MASP1: variants seen among roughly 807,000 people sequenced by gnomAD.
The protein encoded by MASP1 is mannan-binding lectin serine protease 1.
Under a neutral mutation model 77.1 loss-of-function variants are expected in MASP1, and 59 were observed. The ratio of observed to expected loss-of-function variants is 0.77; its 90% CI spans 0.62 to 0.95. MASP1 has a LOEUF of 0.95. Among genes scored for constraint, MASP1 ranks in the 40% least tolerant of loss-of-function variants. The pLI is 0.00. For missense variants in MASP1, 885 were observed against 912.9 expected (o/e 0.97, Z 0.39); for synonymous variants, 362 against 354.5 (o/e 1.02, Z -0.24).
At chr3:187,270,548 A>G (rs1247935382) in intron 2 of MASP1, among the ~76,000 whole-genome samples, 2 of 152,166 alleles carry the variant, frequency 1.3e-5, no homozygotes, top group African/African-American at 2.4e-5. Context: ...CCACTTGCCC[A>G]TGCTATACTC....
At chr3:187,243,971 C>T in intron 8 of MASP1, 2 of 323,460 alleles carry the variant, frequency 6.2e-6, no homozygotes, top group Admixed American at 4.1e-5. Flanking sequence ...GTGCAATCCT[C>T]TCTGCCTCTT....
At chr3:187,225,995 T>C (rs1370599153) in intron 12 of MASP1, among the ~76,000 whole-genome samples, 1 of 152,238 alleles carries the variant, frequency 6.6e-6, no homozygotes, top group African/African-American at 2.4e-5. Context: ...GTCTTAATCA[T>C]ACTGTGTCCT....
chr3:187,261,609 C>T (rs1340427016), intron 3 of MASP1, among the ~76,000 whole-genome samples: 1 of 152,228 alleles, frequency 6.6e-6, no homozygotes, highest in East Asian at 1.9e-4. Flanking sequence ...CCAGAACTCT[C>T]ATACATTGGT....
In MASP1 at chr3:187,235,556, G is replaced by A. The variant is rs747619569; in HGVS notation, c.*128C>T. 1.4e-5 allele frequency: 21 copies of A among 1,550,916 alleles called. No individual in the cohort carries two copies. Among genetic ancestry groups the A allele is most frequent in the East Asian group, 4.8e-5 (2 of 41,690 alleles). ...CTCTCAGGGTCCTGGGGGCTGTCTC[G>A]GTAGGAGAAGCCACCGCTAGGTCAG... On this transcript the variant is annotated 3_prime_UTR_variant, in exon 11 of 11. Coordinates refer to ENST00000296280, the MANE Select transcript of MASP1 (RefSeq NM_139125.4).
chr3:187,217,523 A>G (rs921674820), exon 16 of MASP1: 6 of 152,256 alleles, frequency 3.9e-5, no homozygotes, highest in African/African-American at 1.2e-4. Context: ...TTAAATTAAT[A>G]TTCACAATCA....
At chr3:187,262,220 T>C (rs754179882) in intron 3 of MASP1, among the ~76,000 whole-genome samples, 12 of 152,190 alleles carry the variant, frequency 7.9e-5, no homozygotes, top group Non-Finnish European at 1.3e-4. Context: ...TATATTCCAT[T>C]TTATGTCAAT....
At position 187,234,134 on chromosome 3, in the gene MASP1, C is replaced by T. The variant is rs1712934958; in HGVS notation, c.*1550G>A. ...CACTTGAGACCCCTGATGGGAGCAA[C>T]AATGCAGAGGCCCTTTACAGAATGG... On this transcript the variant is annotated 3_prime_UTR_variant, in exon 11 of 11. Transcript: ENST00000296280. 1 of 1,286,806 alleles carries T rather than the reference C, an allele frequency of 7.8e-7. No homozygotes were observed. Among genetic ancestry groups the T allele is most frequent in the Non-Finnish European group, 1.0e-6 (1 of 988,342 alleles). The allele number at this position is 1,286,806 out of a possible 1,614,324, so 79.7% of individuals were successfully genotyped here. A position where few individuals can be genotyped will look rare whatever the true frequency, so the allele number is the denominator to read the frequency against.
chr3:187,256,721 C>T lies in MASP1; in HGVS notation c.687G>A (p.Glu229=). ...EEGFMVNLQF[E]DIFDIEDHPE... is the part of the protein sequence containing the mutation. ...GATGGTCCTCAATGTCAAATATGTC[C>T]TCAAACTGCAGGTTGACCATGAAAC... The change falls in exon 5 of 11, where the codon GAG becomes GAA. Residue 229 remains glutamate, a synonymous_variant. Coordinates refer to ENST00000296280, the MANE Select transcript of MASP1 (RefSeq NM_139125.4). The T allele has an allele frequency of 6.2e-7, 1 of 1,613,978 alleles. No homozygotes were observed. Among genetic ancestry groups the T allele is most frequent in the Non-Finnish European group, 8.5e-7 (1 of 1,180,006 alleles).
chr3:187,265,007 T>A (rs750394747), intron 2 of MASP1, among the ~76,000 whole-genome samples: 1 of 152,100 alleles, frequency 6.6e-6, no homozygotes, highest in Non-Finnish European at 1.5e-5. Flanking sequence ...CTCTCAGTTA[T>A]CCACTTGTAA....
At chr3:187,258,776 G>C (rs542701288) in intron 4 of MASP1, among the ~76,000 whole-genome samples, 1 of 152,190 alleles carries the variant, frequency 6.6e-6, no homozygotes, top group Non-Finnish European at 1.5e-5. Flanking sequence ...CAAATACCAA[G>C]CTGTAAGTAA....
At chr3:187,218,645 C>A (rs1334114401) in exon 16 of MASP1, 1 of 151,696 alleles carries the variant, frequency 6.6e-6, no homozygotes, top group Non-Finnish European at 1.5e-5. Flanking sequence ...TTTCAAGAGA[C>A]CTGGAATTAC....
chr3:187,286,459 G>A (rs546687306), intron 1 of MASP1, among the ~76,000 whole-genome samples: 7 of 152,164 alleles, frequency 4.6e-5, no homozygotes, highest in Non-Finnish European at 1.0e-4. Context: ...AGGCTTAAAT[G>A]CATTGATGGA....
chr3:187,239,816 C>T (rs1165690558), intron 10 of MASP1, among the ~76,000 whole-genome samples: 2 of 152,156 alleles, frequency 1.3e-5, no homozygotes, highest in Non-Finnish European at 2.9e-5. Context: ...TATGTGAACC[C>T]TTCCTAGTCA....
At chr3:187,225,254 C>A in intron 13 of MASP1, 1 of 1,559,312 alleles carries the variant, frequency 6.4e-7, no homozygotes, top group South Asian at 1.1e-5. Context: ...ACCAGAGCTT[C>A]ACCAACGTGA....
chr3:187,235,857 C>A lies in MASP1; in HGVS notation c.2014G>T (p.Asp672Tyr), dbSNP rs1272882054. 1 of 1,614,188 alleles carries A rather than the reference C, an allele frequency of 6.2e-7. No homozygotes were observed. Among genetic ancestry groups the A allele is most frequent in the South Asian group, 1.1e-5 (1 of 91,078 alleles). The change falls in exon 11 of 11, where the codon GAT (aspartate) becomes TAT (tyrosine). Residue 672 changes from aspartate to tyrosine, a missense_variant. Coordinates refer to ENST00000296280, the MANE Select transcript of MASP1 (RefSeq NM_139125.4). ...GDSGGAFVIF[D>Y]DLSQRWVVQG... is the part of the protein sequence containing the mutation. ...ACCACCCAGCGCTGGCTCAAGTCAT[C>A]AAAGATGACAAAGGCCCCACCGCTA...
intron 1 of MASP1, among the ~76,000 whole-genome samples, chr3:187,286,595 A>G (rs1479635511): frequency 1.3e-5 from 2 of 152,252 alleles, no homozygotes; most frequent in Non-Finnish European, 2.9e-5. Flanking sequence ...TGGTAAAAGG[A>G]TCAAAAACCT....
rs767026005 is a variant in MASP1, at chr3:187,253,200, T to C, written c.860A>G (p.Asn287Ser). The change falls in exon 6 of 11, where the codon AAC becomes AGC. Residue 287 changes from asparagine (N) to serine (S), a missense_variant. Transcript: ENST00000296280. The part of the protein sequence containing the change: ...ILFHSDNSGE[N>S]RGWRLSYRAA... ...CCTGTATGAGAGCCTCCAGCCCCGGTTCTCTCCCGAGTTGTCACTATGGAA... is the reference window on the plus strand; with the variant it reads ...CCTGTATGAGAGCCTCCAGCCCCGGCTCTCTCCCGAGTTGTCACTATGGAA... 1 of 1,614,100 alleles carries C rather than the reference T, an allele frequency of 6.2e-7. No homozygotes were observed. The highest frequency in any genetic ancestry group is 2.2e-5 in the East Asian group (1 of 44,868).
In MASP1 at chr3:187,286,072, G is replaced by A. The variant is rs760924876; in HGVS notation, c.6-16C>T. 1 of 1,593,200 alleles carries A rather than the reference G, an allele frequency of 6.3e-7. No individual in the cohort carries two copies. The highest frequency in any genetic ancestry group is 1.1e-5 in the South Asian group (1 of 90,656). On this transcript the variant is annotated splice_polypyrimidine_tract_variant and intron_variant, in intron 1 of 10. Coordinates refer to ENST00000296280, the MANE Select transcript of MASP1 (RefSeq NM_139125.4). Reference sequence around the variant, plus strand: ...AAGCAGCCACCTGAAAGACATGAATGTAGGTCTACTTACATTTATAAACAC... The same window carrying A: ...AAGCAGCCACCTGAAAGACATGAATATAGGTCTACTTACATTTATAAACAC...
At chr3:187,248,184 T>C (rs2108534070) in intron 8 of MASP1, among the ~76,000 whole-genome samples, 1 of 152,306 alleles carries the variant, frequency 6.6e-6, no homozygotes, top group Admixed American at 6.5e-5. Context: ...AGGGAAACAG[T>C]TTCTCTTTAC....
Sources: allele counts gnomAD v4.1 joint callset (sites outside exome capture counted in the v4.1 genomes callset), GRCh38; gene constraint gnomAD v4.1.1; transcripts MANE v1.5; gene names NCBI Gene and HGNC (gene_info 2026-07-23, HGNC 2026-07-21).